Variants in M1AP observed in about 807,000 individuals in gnomAD.
M1AP encodes meiosis 1 associated protein.
Under a neutral mutation model 51.2 loss-of-function variants are expected in M1AP, and 39 were observed. The observed-to-expected ratio is 0.76, with a 90% CI of 0.59 to 1.00. M1AP has a LOEUF of 1.00. Among genes scored for constraint, M1AP ranks in the 50% least tolerant of loss-of-function variants. The probability of loss-of-function intolerance (pLI) is 0.00; values close to 1 mark genes in which losing one functional copy is unlikely to be tolerated. For synonymous variants in M1AP, 251 were observed against 249.2 expected (o/e 1.01, Z -0.07); for missense variants, 545 against 641.2 (o/e 0.85, Z 1.62).
At chr2:74,570,737 G>T (rs1348480019) in intron 7 of M1AP, among the ~76,000 whole-genome samples, 1 of 152,142 alleles carries the variant, frequency 6.6e-6, no homozygotes, top group Non-Finnish European at 1.5e-5. Context: ...TATGGTACAT[G>T]AAGGGGAATA....
intron 1 of M1AP, among the ~76,000 whole-genome samples, chr2:74,643,534 A>C (rs1447888172): frequency 2.0e-5 from 3 of 152,098 alleles, no homozygotes; most frequent in African/African-American, 7.2e-5. Flanking sequence ...GGAAAGAATG[A>C]AGGCATTATG....
intron 3 of M1AP, among the ~76,000 whole-genome samples, chr2:74,614,632 C>T (rs938413944): frequency 6.6e-6 from 1 of 152,180 alleles, no homozygotes; most frequent in Non-Finnish European, 1.5e-5. Context: ...AATACAGCTA[C>T]CAATGTAGGC....
At chr2:74,621,484 G>A (rs1156417776) in intron 2 of M1AP, among the ~76,000 whole-genome samples, 1 of 151,796 alleles carries the variant, frequency 6.6e-6, no homozygotes, top group Admixed American at 6.6e-5. Context: ...ACTTTGAAGA[G>A]TAGTAAAAAA....
chr2:74,641,919 C>T (rs1259393716), intron 1 of M1AP, among the ~76,000 whole-genome samples: 2 of 150,994 alleles, frequency 1.3e-5, no homozygotes, highest in South Asian at 4.2e-4. Flanking sequence ...GATCTTGGCT[C>T]GCTGCAACCT....
At chr2:74,627,558 A>G (rs1682471858) in intron 2 of M1AP, among the ~76,000 whole-genome samples, 1 of 152,126 alleles carries the variant, frequency 6.6e-6, no homozygotes, top group South Asian at 2.1e-4. Context: ...TAAAAGATAG[A>G]TTTTATTAGC....
chr2:74,643,191 A>G (rs1394698128), intron 1 of M1AP, among the ~76,000 whole-genome samples: 1 of 152,222 alleles, frequency 6.6e-6, no homozygotes, highest in Non-Finnish European at 1.5e-5. Flanking sequence ...CCAAAAGACT[A>G]TTAATAACAA....
At chr2:74,587,087 C>T (rs914145146) in intron 4 of M1AP, among the ~76,000 whole-genome samples, 1 of 151,990 alleles carries the variant, frequency 6.6e-6, no homozygotes, top group South Asian at 2.1e-4. Flanking sequence ...CACTACAAAG[C>T]GAGATGATTA....
At chr2:74,619,043 A>T in intron 2 of M1AP, 1 of 482,004 alleles carries the variant, frequency 2.1e-6, no homozygotes, top group Non-Finnish European at 4.2e-6. Flanking sequence ...GGAAAAAGGT[A>T]AAGTAATTGA....
intron 2 of M1AP, among the ~76,000 whole-genome samples, chr2:74,638,236 T>C (rs1304443016): frequency 1.3e-5 from 2 of 152,038 alleles, no homozygotes; most frequent in East Asian, 3.9e-4. Context: ...TGTATTTTTG[T>C]AGAGGTGGGG....
At chr2:74,610,188 T>C (rs1187145116) in intron 3 of M1AP, among the ~76,000 whole-genome samples, 2 of 151,678 alleles carry the variant, frequency 1.3e-5, no homozygotes, top group African/African-American at 4.9e-5. Context: ...TTTTTTTTTT[T>C]GTAGAGATGG....
At chr2:74,568,629 A>G (rs1678536334) in intron 7 of M1AP, among the ~76,000 whole-genome samples, 1 of 152,218 alleles carries the variant, frequency 6.6e-6, no homozygotes, top group African/African-American at 2.4e-5. Flanking sequence ...ATTTTCCCCC[A>G]AACACATTTG....
intron 7 of M1AP, among the ~76,000 whole-genome samples, chr2:74,569,493 G>C (rs1328253128): frequency 6.6e-6 from 1 of 150,820 alleles, no homozygotes; most frequent in Non-Finnish European, 1.5e-5. Context: ...TGATTCTCGC[G>C]CCTCCCGAGT....
At chr2:74,576,078 T>G (rs1679049607) in intron 6 of M1AP, among the ~76,000 whole-genome samples, 1 of 152,170 alleles carries the variant, frequency 6.6e-6, no homozygotes, top group Non-Finnish European at 1.5e-5. Flanking sequence ...CTTAGAGAAA[T>G]GGGAGGGGGC....
rs746681618 is a variant in M1AP at position 74,575,427 on chromosome 2, TGGGTACTCACCA to T, written c.1073_1074+10del. 110 of 1,613,982 alleles carry T rather than the reference TGGGTACTCACCA, an allele frequency of 6.8e-5. No homozygotes were observed. In the South Asian group the frequency reaches 1.1e-3, roughly 17 times the overall value. ...GATTCTTCTTTTTCACCTGGGGACA[TGGGTACTCACCA>T]GCAGGCTGTGACACAAAGCATGGAA... On this transcript the variant is annotated splice_donor_variant and splice_donor_5th_base_variant and coding_sequence_variant and intron_variant, in exon 7 of 11. Coordinates refer to ENST00000421985, the MANE Select transcript of M1AP (RefSeq NM_001321739.2). LOFTEE classifies it high-confidence loss of function.
At position 74,575,672 on chromosome 2, in the gene M1AP, C is replaced by T. The variant is rs182113067; in HGVS notation, c.933-93G>A. 3.1e-6 allele frequency: 3 copies of T among 959,648 alleles called. No individual in the cohort carries two copies. The East Asian group carries it at 7.3e-5, about 23-fold the overall frequency. 59.4% of individuals were successfully genotyped at this position (959,648 alleles called of 1,614,324 possible). A position where few individuals can be genotyped will look rare whatever the true frequency, so the allele number is the denominator to read the frequency against. ...AATTCAGCTTAACTCTAAGACAGTA[C>T]TGTGAAAGCTTTTAAATTAGTGTCT... is the stretch of plus-strand genomic sequence containing the variant. On this transcript the variant is annotated intron_variant, in intron 6 of 10. Coordinates refer to ENST00000421985, the MANE Select transcript of M1AP (RefSeq NM_001321739.2).
intron 2 of M1AP, among the ~76,000 whole-genome samples, chr2:74,638,438 G>A (rs942112957): frequency 1.3e-5 from 2 of 152,122 alleles, no homozygotes; most frequent in African/African-American, 2.4e-5. Context: ...TGAGGCAAGA[G>A]GGTAAATCAG....
chr2:74,584,355 T>C (rs910185193), intron 4 of M1AP, among the ~76,000 whole-genome samples: 12 of 149,710 alleles, frequency 8.0e-5, no homozygotes, highest in Admixed American at 1.3e-4. Flanking sequence ...ATGCCTGTAG[T>C]CCCAGCTACT....
intron 5 of M1AP, among the ~76,000 whole-genome samples, chr2:74,578,812 C>G (rs1679239505): frequency 6.6e-6 from 1 of 152,070 alleles, no homozygotes; most frequent in Admixed American, 6.6e-5. Flanking sequence ...GATGCATACC[C>G]CAAAGAGTCT....
At chr2:74,647,903 A>T in intron 1 of M1AP, 6 of 565,902 alleles carry the variant, frequency 1.1e-5, no homozygotes, top group Non-Finnish European at 1.3e-5. Context: ...TCAAAAACAA[A>T]GCAAAACCAG....
Sources: allele counts gnomAD v4.1 joint callset (sites outside exome capture counted in the v4.1 genomes callset), GRCh38; gene constraint gnomAD v4.1.1; transcripts MANE v1.5; gene names NCBI Gene and HGNC (gene_info 2026-07-23, HGNC 2026-07-21).